CIT: variants seen among roughly 807,000 people sequenced by gnomAD.
The protein encoded by CIT is citron rho-interacting serine/threonine kinase.
CIT carries 79 observed loss-of-function variants against 272.7 expected under a neutral mutation model. The ratio of observed to expected loss-of-function variants is 0.29; its 90% CI spans 0.24 to 0.35. The LOEUF (loss-of-function observed/expected upper bound fraction) is 0.35. CIT is among the 10% of genes least tolerant of loss of function. The probability of loss-of-function intolerance (pLI) is 1.00; values close to 1 mark genes in which losing one functional copy is unlikely to be tolerated. For missense variants in CIT, 1,909 were observed against 2,618.3 expected, an observed-to-expected ratio of 0.73 and a Z score of 5.91; for synonymous variants, 948 against 995.6, an observed-to-expected ratio of 0.95 and a Z score of 0.90.
At chr12:119,854,866 G>A (rs546638114) in intron 4 of CIT, among the ~76,000 whole-genome samples, 6 of 152,186 alleles carry the variant, frequency 3.9e-5, no homozygotes, top group African/African-American at 1.2e-4. Context: ...AAGAAGAATC[G>A]CTTGAACCTG....
At chr12:119,717,074 CAG>C (rs1397245736) in intron 32 of CIT, among the ~76,000 whole-genome samples, 4 of 152,110 alleles carry the variant, frequency 2.6e-5, no homozygotes, top group African/African-American at 7.2e-5. Flanking sequence ...GTTTTTGAGA[CAG>C]AGTTTCAGTC....
chr12:119,759,915 G>A (rs188670700), intron 20 of CIT, among the ~76,000 whole-genome samples: 64 of 152,088 alleles, frequency 4.2e-4, no homozygotes, highest in Admixed American at 1.2e-3. Flanking sequence ...GGTCGGGCGC[G>A]GTGGCTCGTA....
At chr12:119,867,803 C>T (rs576587744) in intron 3 of CIT, among the ~76,000 whole-genome samples, 4 of 152,058 alleles carry the variant, frequency 2.6e-5, no homozygotes, top group Non-Finnish European at 5.9e-5. Flanking sequence ...CAGCCAACTG[C>T]CTCATCACAT....
intron 46 of CIT, among the ~76,000 whole-genome samples, chr12:119,691,528 G>A (rs932476121): frequency 5.9e-5 from 9 of 152,202 alleles, no homozygotes; most frequent in African/African-American, 2.2e-4. Flanking sequence ...GAGGTGTAGG[G>A]ATCAGGCCTG....
At chr12:119,752,003 C>T (rs1960326901) in intron 23 of CIT, 47 bp downstream of exon 23, 3 of 1,545,650 alleles carry the variant, frequency 1.9e-6, no homozygotes, top group Non-Finnish European at 1.8e-6. Flanking sequence ...CACACTCATC[C>T]TAGCTGAGGC....
intron 41 of CIT, among the ~76,000 whole-genome samples, chr12:119,702,634 C>A (rs996015011): frequency 1.3e-5 from 2 of 151,772 alleles, no homozygotes; most frequent in African/African-American, 4.8e-5. Flanking sequence ...TTGCAGTGGG[C>A]TGAGATAGTG....
In CIT at chr12:119,712,747, A is replaced by G; in HGVS notation, c.4580-52T>C. ...GAAAAACAAAAGAACAGGAACAAGA[A>G]CAAGGGGAGAAGAGAGAGCGAGAGA... On this transcript the variant is annotated intron_variant, in intron 35 of 47. Transcript: ENST00000392521. This position sits in a 1 kb window ranked among gnomAD's most constrained non-coding sequence, Gnocchi z 5.2. 6.9e-7 allele frequency: 1 copy of G among 1,456,602 alleles called. No homozygotes were observed. Among genetic ancestry groups the G allele is most frequent in the Non-Finnish European group, 9.6e-7 (1 of 1,037,492 alleles). The allele number at this position is 1,456,602 out of a possible 1,614,324, so 90.2% of individuals were successfully genotyped here. A position where few individuals can be genotyped will look rare whatever the true frequency, so the allele number is the denominator to read the frequency against.
rs1369324447 is a variant in CIT, at chr12:119,700,954, C to G, written c.5543-129G>C. 6.5e-6 allele frequency: 4 copies of G among 612,668 alleles called. No individual in the cohort carries two copies. The African/African-American group carries it at 7.5e-5, about 11-fold the overall frequency. 38.0% of individuals were successfully genotyped at this position (612,668 alleles called of 1,614,324 possible). The stretch of plus-strand genomic sequence containing the variant: ...GGCCAGATGGGACTGACTGTGAAAA[C>G]CAGAGGCCCTCTGCTGAGCCAGCTC... On this transcript the variant is annotated intron_variant, in intron 43 of 47. Transcript: ENST00000392521.
At chr12:119,766,988 C>T (rs1962526144) in intron 19 of CIT, 99 bp downstream of exon 19, 2 of 713,486 alleles carry the variant, frequency 2.8e-6, no homozygotes, top group Non-Finnish European at 4.3e-6. Flanking sequence ...CCAAACAGTA[C>T]TTTGGTCCAG....
chr12:119,716,368 G>A (rs1957479227), intron 32 of CIT, among the ~76,000 whole-genome samples: 1 of 96,284 alleles, frequency 1.0e-5, no homozygotes, highest in African/African-American at 4.2e-5. Context: ...GACAGAGCGA[G>A]ACTCTGTCTC....
intron 23 of CIT, among the ~76,000 whole-genome samples, chr12:119,743,542 T>A (rs1249618597): frequency 6.6e-6 from 1 of 152,132 alleles, no homozygotes; most frequent in African/African-American, 2.4e-5. Flanking sequence ...TCCAGTGAAG[T>A]AGAATAAAAA....
chr12:119,873,541 A>G (rs1594023384), intron 2 of CIT, among the ~76,000 whole-genome samples: 1 of 151,954 alleles, frequency 6.6e-6, no homozygotes, highest in African/African-American at 2.4e-5. Context: ...CAGCCTCCCA[A>G]ATTGCTAGGA....
chr12:119,704,313 G>C (rs200210611), intron 41 of CIT, 50 bp downstream of exon 41: 1 of 1,539,140 alleles, frequency 6.5e-7, no homozygotes, highest in African/African-American at 1.4e-5. Flanking sequence ...CTCGCTGAGA[G>C]AGCAGGACTG....
intron 40 of CIT, 35 bp from the exon 41 acceptor site, chr12:119,704,490 C>G (rs1246788570): frequency 6.3e-7 from 1 of 1,588,244 alleles, no homozygotes; most frequent in Admixed American, 1.7e-5. Flanking sequence ...AAGACTGTCA[C>G]CAGTGTGATA....
intron 32 of CIT, among the ~76,000 whole-genome samples, chr12:119,717,419 C>CTTTTTTTTTTTTTTT (rs60611060): frequency 1.8e-5 from 1 of 54,250 alleles, no homozygotes; most frequent in Non-Finnish European, 4.1e-5. Flanking sequence ...CTTTTCTTTT[C>CTTTTTTTTTTTTTTT]TTTTTTTTTT....
At chr12:119,827,353 T>G (rs1341162736) in intron 7 of CIT, among the ~76,000 whole-genome samples, 1 of 152,150 alleles carries the variant, frequency 6.6e-6, no homozygotes, top group African/African-American at 2.4e-5. Flanking sequence ...ATTCTGTTTT[T>G]TAATATGTAT....
intron 2 of CIT, among the ~76,000 whole-genome samples, chr12:119,871,660 C>G (rs557622874): frequency 1.3e-5 from 2 of 152,064 alleles, no homozygotes; most frequent in African/African-American, 4.8e-5. Context: ...TCAAGACCAG[C>G]CAGGGCAACA....
chr12:119,865,382 C>T (rs536441363), intron 3 of CIT, among the ~76,000 whole-genome samples: 2 of 152,268 alleles, frequency 1.3e-5, no homozygotes, highest in Non-Finnish European at 2.9e-5. Context: ...AAAGAAGGCA[C>T]GAGCTTATTC....
intron 5 of CIT, among the ~76,000 whole-genome samples, chr12:119,845,890 G>A (rs1050604057): frequency 2.7e-5 from 4 of 147,066 alleles, no homozygotes; most frequent in East Asian, 2.0e-4. Context: ...GCAGTGAGCC[G>A]AGAACACGCC....
Sources: allele counts gnomAD v4.1 joint callset (sites outside exome capture counted in the v4.1 genomes callset), GRCh38; gene constraint gnomAD v4.1.1; non-coding constraint Gnocchi (gnomAD v3.1); transcripts MANE v1.5; gene names NCBI Gene and HGNC (gene_info 2026-07-23, HGNC 2026-07-21).